Variants in LAMA2 observed in about 807,000 individuals in gnomAD.
LAMA2 encodes the protein laminin subunit alpha 2.
A neutral mutation model predicts 364.8 loss-of-function variants in LAMA2; 269 were observed. The ratio of observed to expected loss-of-function variants is 0.74; its 90% CI spans 0.67 to 0.82. LAMA2 has a LOEUF of 0.82. Ranked by LOEUF, LAMA2 falls within the 40% of genes least tolerant of loss-of-function variation. LAMA2 has a pLI of 0.00. For synonymous variants in LAMA2, 1,379 were observed against 1,370.6 expected, an observed-to-expected ratio of 1.01 and a Z score of -0.14; for missense variants, 3,807 against 3,873.2, an observed-to-expected ratio of 0.98 and a Z score of 0.45.
At chr6:129,234,528 CTTGGAA>C (rs1283771165) in intron 12 of LAMA2, among the ~76,000 whole-genome samples, 11 of 152,010 alleles carry the variant, frequency 7.2e-5, no homozygotes, top group African/African-American at 2.7e-4. Flanking sequence ...TACATGTTAT[CTTGGAA>C]TTGGAATTTT....
chr6:129,230,951 C>A (rs1459726397), intron 12 of LAMA2, among the ~76,000 whole-genome samples: 1 of 151,972 alleles, frequency 6.6e-6, no homozygotes, highest in African/African-American at 2.4e-5. Context: ...TATACAAGGC[C>A]TTAGAGGATA....
At chr6:129,202,279 A>G (rs995729114) in intron 12 of LAMA2, among the ~76,000 whole-genome samples, 4 of 151,960 alleles carry the variant, frequency 2.6e-5, no homozygotes, top group African/African-American at 9.7e-5. Context: ...GTCAGACCCT[A>G]TATGCTATGG....
intron 10 of LAMA2, among the ~76,000 whole-genome samples, chr6:129,184,618 C>T (rs1781122940): frequency 6.6e-6 from 1 of 151,848 alleles, no homozygotes. Context: ...AAGAATCCCC[C>T]CTACCTACCC....
At chr6:129,366,400 G>A (rs1284108072) in intron 33 of LAMA2, 39 bp downstream of exon 33, 9 of 1,610,378 alleles carry the variant, frequency 5.6e-6, no homozygotes, top group Non-Finnish European at 5.9e-6. Flanking sequence ...CAGGGACAAG[G>A]TGACAGAAGC....
At chr6:129,174,883 T>C (rs1025793360) in intron 9 of LAMA2, among the ~76,000 whole-genome samples, 7 of 152,182 alleles carry the variant, frequency 4.6e-5, no homozygotes, top group African/African-American at 1.7e-4. Flanking sequence ...TTTTATTCTG[T>C]ATCTTCAACT....
intron 1 of LAMA2, among the ~76,000 whole-genome samples, chr6:128,894,116 G>C (rs2114393290): frequency 6.6e-6 from 1 of 152,216 alleles, no homozygotes; most frequent in Non-Finnish European, 1.5e-5. Context: ...ATTGGCTGCA[G>C]TGTGGTATCT....
At position 129,371,607 on chromosome 6, in the gene LAMA2, C is replaced by CTT. The variant is rs376262275; in HGVS notation, c.4959+1633_4959+1634dup. ...GACGTTAGAGACACAAAAAGTATTT[C>CTT]TTTTTTTTTTTTTTTTTGAGACAGA... On this transcript the variant is annotated intron_variant, in intron 34 of 64. Transcript: ENST00000421865. 2.3e-3 allele frequency among the ~76,000 whole-genome samples: 302 copies of CTT among 132,564 alleles called. 4 individuals are homozygous for CTT. The highest frequency in any genetic ancestry group is 2.8e-3 in the Non-Finnish European group (176 of 62,752). The allele number at this position is 132,564 out of a possible 152,430, so 87.0% of individuals were successfully genotyped here. A position where few individuals can be genotyped will look rare whatever the true frequency, so the allele number is the denominator to read the frequency against.
At chr6:129,142,302 G>T (rs1217525855) in intron 4 of LAMA2, among the ~76,000 whole-genome samples, 5 of 151,982 alleles carry the variant, frequency 3.3e-5, no homozygotes, top group African/African-American at 1.2e-4. Flanking sequence ...TGAGATCAGG[G>T]TGTCCGCATG....
intron 18 of LAMA2, among the ~76,000 whole-genome samples, chr6:129,281,032 T>A (rs1189169446): frequency 6.6e-6 from 1 of 152,090 alleles, no homozygotes; most frequent in Admixed American, 6.6e-5. Flanking sequence ...AGCAGGAGCC[T>A]ATCACCCAGA....
At chr6:129,450,289 G>GTTTGTTTTGT (rs71028162) in intron 45 of LAMA2, among the ~76,000 whole-genome samples, 26 of 149,616 alleles carry the variant, frequency 1.7e-4, no homozygotes, top group South Asian at 4.3e-4. Context: ...CAATTGTGTT[G>GTTTGTTTTGT]TTTGTTTTGT....
At position 129,146,963 on chromosome 6, in the gene LAMA2, A is replaced by G; in HGVS notation, c.824A>G (p.Tyr275Cys). 2 of 1,603,908 alleles carry G rather than the reference A, an allele frequency of 1.2e-6. No homozygotes were observed. Among genetic ancestry groups the G allele is most frequent in the Non-Finnish European group, 1.7e-6 (2 of 1,170,930 alleles). The change falls in exon 6 of 65, where the codon TAC becomes TGC. Residue 275 changes from tyrosine to cysteine, a missense_variant. Coordinates refer to ENST00000421865, the MANE Select transcript of LAMA2 (RefSeq NM_000426.4). ...EIDPIVTRRY[Y>C]YSVKDISVGG... is the part of the protein sequence containing the mutation. ...TCTCTGGATTGCTTTTTGCAGTATT[A>G]CTACTCGGTCAAGGATATTTCAGTT...
At position 129,475,400 on chromosome 6, in the gene LAMA2, A is replaced by G; in HGVS notation, c.7450A>G (p.Arg2484Gly). ...TTTCCCGTTATCTAGTATGAAAGCAAGGTAAAATTTAAATTTATGCATGCC... is the reference window on the plus strand; with the variant it reads ...TTTCCCGTTATCTAGTATGAAAGCAGGGTAAAATTTAAATTTATGCATGCC... Reference protein sequence around the residue: ...PTLRNLSMKARPEVNLKKYSG... With the variant: ...PTLRNLSMKAGPEVNLKKYSG... Residue 2484 changes from arginine to glycine, a missense_variant and splice_region_variant, in exon 53 of 65, where the codon AGG (arginine) becomes GGG (glycine). Around this residue, in one of 3 missense-constraint regions of LAMA2, gnomAD observed 3,333 missense variants for 3,345.7 expected, o/e 1.00. Transcript: ENST00000421865. The G allele has an allele frequency of 1.3e-6, 2 of 1,569,348 alleles. No homozygotes were observed.
At chr6:129,486,679 C>A in intron 56 of LAMA2, 57 bp downstream of exon 56, 1 of 1,497,204 alleles carries the variant, frequency 6.7e-7, no homozygotes, top group Non-Finnish European at 9.3e-7. Flanking sequence ...CCTTTGCTAG[C>A]ATCGGTATCT....
intron 1 of LAMA2, among the ~76,000 whole-genome samples, chr6:128,930,637 C>T (rs535046414): frequency 4.2e-4 from 64 of 152,236 alleles, no homozygotes; most frequent in South Asian, 3.7e-3. Context: ...TCCACAGAGA[C>T]TTTGGAGTCT....
chr6:129,328,557 A>T (rs1160550562), intron 29 of LAMA2, 145 bp downstream of exon 29: 1 of 1,351,638 alleles, frequency 7.4e-7, no homozygotes, highest in East Asian at 2.3e-5. Flanking sequence ...AAAGATATTC[A>T]CAGATTCTGC....
intron 22 of LAMA2, among the ~76,000 whole-genome samples, chr6:129,308,767 C>A (rs992938699): frequency 6.6e-6 from 1 of 152,126 alleles, no homozygotes; most frequent in African/African-American, 2.4e-5. Flanking sequence ...GGAAGCATAG[C>A]GGCATCTGTT....
chr6:129,332,475 C>T (rs1488790850), intron 29 of LAMA2, among the ~76,000 whole-genome samples: 1 of 152,060 alleles, frequency 6.6e-6, no homozygotes, highest in African/African-American at 2.4e-5. Flanking sequence ...CATATTCTTC[C>T]AGCTGACACT....
chr6:129,368,483 G>GTTT (rs1777897628), intron 33 of LAMA2, among the ~76,000 whole-genome samples: 1 of 152,222 alleles, frequency 6.6e-6, no homozygotes, highest in African/African-American at 2.4e-5. Flanking sequence ...GAAGTGAAGA[G>GTTT]TTTTAATGAA....
intron 41 of LAMA2, among the ~76,000 whole-genome samples, chr6:129,432,423 C>T (rs1421762594): frequency 6.6e-6 from 1 of 152,148 alleles, no homozygotes; most frequent in Non-Finnish European, 1.5e-5. Context: ...GGACAAGAAA[C>T]AAACATTCAG....
Sources: allele counts gnomAD v4.1 joint callset (sites outside exome capture counted in the v4.1 genomes callset), GRCh38; gene constraint gnomAD v4.1.1; regional missense constraint gnomAD v4.1.1; transcripts MANE v1.5; gene names NCBI Gene and HGNC (gene_info 2026-07-23, HGNC 2026-07-21).